The following FSTL4 variants were observed in gnomAD, a reference collection of about 807,000 sequenced individuals.
FSTL4 encodes the protein follistatin-related protein 4.
FSTL4 carries 28 observed loss-of-function variants against 78.2 expected under a neutral mutation model. The ratio of observed to expected loss-of-function variants is 0.36; its 90% CI spans 0.27 to 0.49. The LOEUF (loss-of-function observed/expected upper bound fraction) is 0.49, where lower values mean the gene tolerates loss of function less well. Ranked by LOEUF, FSTL4 falls within the 20% of genes least tolerant of loss-of-function variation. The probability of loss-of-function intolerance (pLI) is 0.98; values close to 1 mark genes in which losing one functional copy is unlikely to be tolerated. For missense variants in FSTL4, 922 were observed against 1,084.9 expected, an observed-to-expected ratio of 0.85 and a Z score of 2.11; for synonymous variants, 422 against 440.5, an observed-to-expected ratio of 0.96 and a Z score of 0.53.
intron 1 of FSTL4, among the ~76,000 whole-genome samples, chr5:133,609,054 T>C (rs1424855827): frequency 6.6e-6 from 1 of 152,182 alleles, no homozygotes; most frequent in Non-Finnish European, 1.5e-5. Flanking sequence ...TGTTCATCCA[T>C]TCTCTCTCTC....
At chr5:133,334,171 A>C (rs1413716628) in intron 4 of FSTL4, 2 of 152,232 alleles carry the variant, frequency 1.3e-5, no homozygotes, top group African/African-American at 2.4e-5. Flanking sequence ...CAAACTGATA[A>C]AGCATCTGAA....
At chr5:133,835,415 A>C in the FSTL4 span, among the ~76,000 whole-genome samples, 5,561 of 152,294 alleles carry the variant, frequency 0.037, 144 homozygotes, top group South Asian at 0.12. Context: ...GTTCTGGAAG[A>C]GCACCAAAAT....
At chr5:133,761,219 A>T in the FSTL4 span, among the ~76,000 whole-genome samples, 1 of 146,806 alleles carries the variant, frequency 6.8e-6, no homozygotes, top group African/African-American at 2.6e-5. Context: ...AACCTAACAC[A>T]GTCAATAGTC....
At chr5:133,304,602 A>C (rs1440725352) in intron 6 of FSTL4, among the ~76,000 whole-genome samples, 4 of 152,226 alleles carry the variant, frequency 2.6e-5, no homozygotes, top group Non-Finnish European at 4.4e-5. Context: ...GCCATTGACA[A>C]CTTCCAGCTG....
intron 4 of FSTL4, among the ~76,000 whole-genome samples, chr5:133,390,840 A>G (rs1260891091): frequency 6.6e-6 from 1 of 152,092 alleles, no homozygotes; most frequent in African/African-American, 2.4e-5. Flanking sequence ...AAGATGGCCC[A>G]AACTGGGTCA....
At chr5:133,351,364 A>G (rs1346008746) in intron 4 of FSTL4, among the ~76,000 whole-genome samples, 1 of 152,210 alleles carries the variant, frequency 6.6e-6, no homozygotes, top group Non-Finnish European at 1.5e-5. Context: ...TCTGAAGATG[A>G]AAGTATTTTT....
At chr5:133,218,230 C>G (rs1321550407) in intron 12 of FSTL4, among the ~76,000 whole-genome samples, 1 of 152,208 alleles carries the variant, frequency 6.6e-6, no homozygotes, top group Non-Finnish European at 1.5e-5. Flanking sequence ...CCTCTAACCT[C>G]AGGCCCCATC....
At chr5:133,381,168 A>G (rs1755559031) in intron 4 of FSTL4, among the ~76,000 whole-genome samples, 1 of 152,236 alleles carries the variant, frequency 6.6e-6, no homozygotes, top group Non-Finnish European at 1.5e-5. Context: ...CGCTAGAGGA[A>G]CACTTTCACA....
chr5:133,609,921 T>C (rs868244115), intron 1 of FSTL4, among the ~76,000 whole-genome samples: 35 of 152,356 alleles, frequency 2.3e-4, no homozygotes, highest in African/African-American at 8.2e-4. Flanking sequence ...TCTTGAAATA[T>C]CTAATTGCAT....
the FSTL4 span, among the ~76,000 whole-genome samples, chr5:133,684,044 C>T: frequency 6.6e-6 from 1 of 152,186 alleles, no homozygotes; most frequent in East Asian, 1.9e-4. Context: ...AGTTTGTGGA[C>T]CATACCAAAA....
At chr5:133,397,059 T>C (rs1305028286) in intron 4 of FSTL4, among the ~76,000 whole-genome samples, 2 of 152,196 alleles carry the variant, frequency 1.3e-5, no homozygotes, top group African/African-American at 2.4e-5. Flanking sequence ...CATTGTATCA[T>C]CTGGTATAAT....
the FSTL4 span, among the ~76,000 whole-genome samples, chr5:133,824,103 C>G: frequency 6.6e-6 from 1 of 152,210 alleles, no homozygotes; most frequent in African/African-American, 2.4e-5. Context: ...TTCTCACACA[C>G]CACGCAATTC....
chr5:133,472,402 G>A lies in FSTL4; in HGVS notation c.161-71416C>T, dbSNP rs544703822. 3.9e-5 allele frequency among the ~76,000 whole-genome samples: 6 copies of A among 152,248 alleles called. No homozygotes were observed. In the East Asian group the frequency reaches 1.2e-3, roughly 29 times the overall value. ...TTCAGGATAACTTGGGAAGGAGAGT[G>A]CGAGCAAAAAGAACATTCTAGATTA... is the stretch of plus-strand genomic sequence containing the variant. On this transcript the variant is annotated intron_variant, in intron 3 of 15. Coordinates refer to ENST00000265342, the MANE Select transcript of FSTL4 (RefSeq NM_015082.2).
intron 2 of FSTL4, chr5:133,575,084 A>G (rs1368692330): frequency 6.6e-6 from 1 of 152,220 alleles, no homozygotes; most frequent in African/African-American, 2.4e-5. Context: ...AATTTTTAAA[A>G]TAAGACAAAT....
intron 6 of FSTL4, among the ~76,000 whole-genome samples, chr5:133,260,357 T>C (rs1295671583): frequency 2.0e-5 from 3 of 152,250 alleles, no homozygotes; most frequent in African/African-American, 4.8e-5. Flanking sequence ...TCCAGTCTCC[T>C]GAGAATGCTC....
intron 3 of FSTL4, among the ~76,000 whole-genome samples, chr5:133,506,342 C>T (rs575963284): frequency 1.3e-5 from 2 of 152,248 alleles, no homozygotes; most frequent in Admixed American, 1.3e-4. Flanking sequence ...AGCGAATGCA[C>T]AGCAGGATAA....
At chr5:133,238,895 T>C (rs143272234) in intron 7 of FSTL4, among the ~76,000 whole-genome samples, 1,947 of 152,356 alleles carry the variant, frequency 0.013, 15 homozygotes, top group Admixed American at 0.025. Context: ...CTGGCCATGC[T>C]TGAGGAGCCC....
chr5:133,303,519 C>T (rs1458725236), intron 6 of FSTL4, among the ~76,000 whole-genome samples: 1 of 152,206 alleles, frequency 6.6e-6, no homozygotes, highest in Non-Finnish European at 1.5e-5. Context: ...CTTCTGAGTG[C>T]CCTGGCCCTG....
intron 3 of FSTL4, among the ~76,000 whole-genome samples, chr5:133,436,227 G>A (rs962703569): frequency 1.3e-5 from 2 of 152,166 alleles, no homozygotes; most frequent in Non-Finnish European, 2.9e-5. Context: ...TGCTACAAAA[G>A]TTTACAATGG....
Sources: gnomAD v4.1 joint callset for allele counts (sites outside exome capture counted in the v4.1 genomes callset) on GRCh38, gnomAD v4.1.1 for gene constraint, MANE v1.5 for transcripts, NCBI Gene and HGNC (gene_info 2026-07-23, HGNC 2026-07-21) for gene names.